The following MYCBP2 variants were observed in gnomAD, a reference collection of about 807,000 sequenced individuals.
MYCBP2 encodes E3 ubiquitin-protein ligase MYCBP2.
A neutral mutation model predicts 525.3 loss-of-function variants in MYCBP2; 120 were observed. That is an observed-to-expected ratio of 0.23 (90% CI 0.20 to 0.27). MYCBP2 has a LOEUF of 0.27. Among genes scored for constraint, MYCBP2 ranks in the 10% least tolerant of loss-of-function variants. The probability of loss-of-function intolerance (pLI) is 1.00; values close to 1 mark genes in which losing one functional copy is unlikely to be tolerated. For synonymous variants in MYCBP2, 1,894 were observed against 1,955.8 expected (o/e 0.97, Z 0.83); for missense variants, 4,149 against 5,657.1 (o/e 0.73, Z 8.55).
At chr13:77,189,414 G>A (rs1474240727) in intron 29 of MYCBP2, among the ~76,000 whole-genome samples, 1 of 152,108 alleles carries the variant, frequency 6.6e-6, no homozygotes, top group African/African-American at 2.4e-5. Context: ...AACACGTTAT[G>A]TTTGTAGAGC....
intron 80 of MYCBP2, among the ~76,000 whole-genome samples, chr13:77,052,307 GC>G (rs1566282050): frequency 6.6e-6 from 1 of 152,028 alleles, no homozygotes; most frequent in African/African-American, 2.4e-5. Flanking sequence ...CAGGCGATCC[GC>G]CCAACTCAGC....
intron 5 of MYCBP2, among the ~76,000 whole-genome samples, chr13:77,271,424 T>C (rs942530245): frequency 2.6e-5 from 4 of 152,190 alleles, no homozygotes; most frequent in Admixed American, 6.5e-5. Flanking sequence ...CTTTATGAAA[T>C]GGACAAGTAG....
At chr13:77,248,281 T>TA (rs1341739912) in intron 15 of MYCBP2, among the ~76,000 whole-genome samples, 1 of 152,106 alleles carries the variant, frequency 6.6e-6, no homozygotes, top group Non-Finnish European at 1.5e-5. Flanking sequence ...ATGAAAATTT[T>TA]AAAAATTTTC....
In MYCBP2 at chr13:77,212,020, A is replaced by G. The variant is rs773351639; in HGVS notation, c.3198T>C (p.Asp1066=). 1 of 1,614,134 alleles carries G rather than the reference A, an allele frequency of 6.2e-7. No individual in the cohort carries two copies. The highest frequency in any genetic ancestry group is 1.7e-5 in the Admixed American group (1 of 60,036). Residue 1066 remains aspartate (D), a synonymous_variant, in exon 22 of 83, where the codon GAT becomes GAC. Coordinates refer to ENST00000544440, the MANE Select transcript of MYCBP2 (RefSeq NM_015057.5). The part of the protein sequence containing the change: ...ASGDQTFLRI[D]EALINSHVLA... ...GTACATGAGAATTAATAAGTGCTTCATCAATTCGTAAAAAAGTTTGGTCCC... is the reference window on the plus strand; with the variant it reads ...GTACATGAGAATTAATAAGTGCTTCGTCAATTCGTAAAAAAGTTTGGTCCC...
intron 17 of MYCBP2, among the ~76,000 whole-genome samples, chr13:77,237,433 GA>G (rs2068087277): frequency 6.6e-6 from 1 of 152,014 alleles, no homozygotes; most frequent in African/African-American, 2.4e-5. Flanking sequence ...ATGGAAATGG[GA>G]AGGTAGGGGT....
At chr13:77,203,706 C>T (rs1400143487) in intron 26 of MYCBP2, among the ~76,000 whole-genome samples, 1 of 152,148 alleles carries the variant, frequency 6.6e-6, no homozygotes, top group Non-Finnish European at 1.5e-5. Flanking sequence ...AGATATAGAT[C>T]AATGGAACGG....
chr13:77,053,137 C>CAA (rs79225062), intron 80 of MYCBP2, among the ~76,000 whole-genome samples: 1 of 95,948 alleles, frequency 1.0e-5, no homozygotes. Flanking sequence ...GACCCCGTCT[C>CAA]AAAAAAAAAA....
At chr13:77,182,683 G>C (rs140225013) in intron 32 of MYCBP2, among the ~76,000 whole-genome samples, 1 of 152,302 alleles carries the variant, frequency 6.6e-6, no homozygotes, top group East Asian at 1.9e-4. Flanking sequence ...TGGAAATTGA[G>C]TGGTAAAACA....
At chr13:77,117,678 C>T (rs141914753) in intron 55 of MYCBP2, among the ~76,000 whole-genome samples, 2 of 152,096 alleles carry the variant, frequency 1.3e-5, no homozygotes, top group African/African-American at 4.8e-5. Flanking sequence ...GAACTGAATG[C>T]CAAGAAGAAC....
intron 55 of MYCBP2, among the ~76,000 whole-genome samples, chr13:77,102,170 C>T (rs1040788043): frequency 6.6e-6 from 1 of 151,634 alleles, no homozygotes; most frequent in Admixed American, 6.6e-5. Context: ...CAGGATCATA[C>T]TATATCATAA....
At chr13:77,096,526 T>A (rs1436718079) in intron 56 of MYCBP2, 45 bp from the exon 57 acceptor site, 1 of 1,595,912 alleles carries the variant, frequency 6.3e-7, no homozygotes, top group Non-Finnish European at 8.6e-7. Flanking sequence ...CCAAGTGTCC[T>A]TAATAGTTTG....
At chr13:77,206,863 GT>G (rs774452705) in intron 23 of MYCBP2, 38 bp from the exon 24 acceptor site, 188 of 1,488,632 alleles carry the variant, frequency 1.3e-4, no homozygotes, top group Admixed American at 1.9e-4. Context: ...CCTCAATGTG[GT>G]TTTGTTTTTA....
chr13:77,208,473 G>A (rs1401285064), intron 23 of MYCBP2, among the ~76,000 whole-genome samples: 1 of 152,104 alleles, frequency 6.6e-6, no homozygotes, highest in East Asian at 1.9e-4. Flanking sequence ...AATCTAAAAT[G>A]TTCACTGATG....
chr13:77,311,565 G>GTTTTTTTTTTT (rs747995110), intron 1 of MYCBP2, among the ~76,000 whole-genome samples: 8 of 121,896 alleles, frequency 6.6e-5, no homozygotes, highest in Non-Finnish European at 1.0e-4. Context: ...GTTTTTTTTT[G>GTTTTTTTTTTT]TTTTTTTTTT....
At chr13:77,063,517 C>T (rs572233197) in intron 73 of MYCBP2, among the ~76,000 whole-genome samples, 1 of 146,784 alleles carries the variant, frequency 6.8e-6, no homozygotes, top group African/African-American at 2.5e-5. Context: ...AAGATCGTAC[C>T]ATTGCACTCC....
At chr13:77,325,000 C>T (rs2082118241) in intron 1 of MYCBP2, among the ~76,000 whole-genome samples, 1 of 152,246 alleles carries the variant, frequency 6.6e-6, no homozygotes, top group South Asian at 2.1e-4. Flanking sequence ...AAGAAACAGA[C>T]TTGTGCCATT....
At chr13:77,180,777 G>A (rs2060143413) in intron 33 of MYCBP2, among the ~76,000 whole-genome samples, 1 of 152,076 alleles carries the variant, frequency 6.6e-6, no homozygotes, top group Non-Finnish European at 1.5e-5. Flanking sequence ...AAAGTTAGCT[G>A]GGTGTGGTGG....
Position 77,085,552 on chromosome 13 carries a change from C to T in MYCBP2, c.10875+1932G>A, listed in dbSNP as rs1021127662. On this transcript the variant is annotated intron_variant, in intron 62 of 82. Transcript: ENST00000544440. ...CACAAAACAGCCACAAATTCTCTGT[C>T]GCTCTTTCCATCAACAGGTGGAGTT... is the stretch of plus-strand genomic sequence containing the variant. Among the ~76,000 whole-genome samples, 6 of 152,184 alleles carry T rather than the reference C, an allele frequency of 3.9e-5. No individual in the cohort carries two copies. The South Asian group carries it at 8.3e-4, about 21-fold the overall frequency.
intron 17 of MYCBP2, among the ~76,000 whole-genome samples, chr13:77,242,033 T>A (rs1283300839): frequency 6.6e-6 from 1 of 152,106 alleles, no homozygotes; most frequent in African/African-American, 2.4e-5. Flanking sequence ...AAAAAAAAAA[T>A]TTACTGAGCA....
Sources: allele counts gnomAD v4.1 joint callset (sites outside exome capture counted in the v4.1 genomes callset), GRCh38; gene constraint gnomAD v4.1.1; transcripts MANE v1.5; gene names NCBI Gene and HGNC (gene_info 2026-07-23, HGNC 2026-07-21).